Variants in TCF12 observed in about 807,000 individuals in gnomAD.
TCF12 encodes the protein transcription factor 12.
TCF12 carries 45 observed loss-of-function variants against 86.0 expected under a neutral mutation model. The ratio of observed to expected loss-of-function variants is 0.52; its 90% CI spans 0.41 to 0.67. TCF12 has a LOEUF of 0.67. Among genes scored for constraint, TCF12 ranks in the 30% least tolerant of loss-of-function variants. TCF12 has a pLI of 0.00. For synonymous variants in TCF12, 330 were observed against 299.6 expected, an observed-to-expected ratio of 1.10 and a Z score of -1.05; for missense variants, 881 against 859.9, an observed-to-expected ratio of 1.02 and a Z score of -0.31.
At chr15:57,237,800 T>G (rs1339048996) in intron 12 of TCF12, among the ~76,000 whole-genome samples, 2 of 152,168 alleles carry the variant, frequency 1.3e-5, no homozygotes, top group Non-Finnish European at 2.9e-5. Flanking sequence ...AGTAGCACAA[T>G]TTTTATAGAA....
intron 5 of TCF12, among the ~76,000 whole-genome samples, chr15:57,106,875 C>T (rs1307741507): frequency 2.0e-5 from 3 of 152,190 alleles, no homozygotes; most frequent in African/African-American, 7.2e-5. Flanking sequence ...GATATCCCTA[C>T]ACATGTATTA....
intron 3 of TCF12, among the ~76,000 whole-genome samples, chr15:56,929,202 C>T (rs189034846): frequency 4.6e-5 from 7 of 152,150 alleles, no homozygotes; most frequent in African/African-American, 1.4e-4. Context: ...GAATGCTGGC[C>T]AATCCTTAAT....
intron 8 of TCF12, among the ~76,000 whole-genome samples, chr15:57,218,218 C>T (rs2058414835): frequency 1.3e-5 from 2 of 152,084 alleles, no homozygotes; most frequent in Admixed American, 1.3e-4. Context: ...AAGTGATGTG[C>T]CCCCTTTTGC....
At chr15:57,216,950 A>G (rs562079737) in intron 8 of TCF12, among the ~76,000 whole-genome samples, 58 of 152,228 alleles carry the variant, frequency 3.8e-4, no homozygotes, top group African/African-American at 1.4e-3. Context: ...TTTTTGAAGA[A>G]TGAGATTTTA....
At chr15:56,925,856 CACTT>C (rs1232790395) in intron 3 of TCF12, among the ~76,000 whole-genome samples, 3 of 152,182 alleles carry the variant, frequency 2.0e-5, no homozygotes, top group African/African-American at 7.2e-5. Flanking sequence ...AGAAGACAAA[CACTT>C]AAATATATTC....
intron 5 of TCF12, among the ~76,000 whole-genome samples, chr15:57,142,275 T>C (rs1425759217): frequency 2.7e-5 from 4 of 150,888 alleles, no homozygotes; most frequent in African/African-American, 9.7e-5. Flanking sequence ...TGGATGGGAA[T>C]TGATTATATC....
rs760809068 is a variant in TCF12 at position 57,063,839 on chromosome 15, A to T, written c.222+16A>T. The T allele has an allele frequency of 6.4e-7, 1 of 1,560,598 alleles. No individual in the cohort carries two copies. The highest frequency in any genetic ancestry group is 8.8e-7 in the Non-Finnish European group (1 of 1,140,984). The stretch of plus-strand genomic sequence containing the variant: ...TTCATCTAGAGTAAGTTTGCTGATC[A>T]ACCCTTGATTAAAGCTGTAATTTGG... On this transcript the variant is annotated intron_variant, in intron 4 of 20. Transcript: ENST00000333725.
intron 4 of TCF12, 33 bp downstream of exon 4, chr15:57,063,856 G>T: frequency 2.0e-6 from 3 of 1,504,732 alleles, no homozygotes. Context: ...GATTAAAGCT[G>T]TAATTTGGCA....
At chr15:57,218,091 CT>C (rs1566931633) in intron 8 of TCF12, among the ~76,000 whole-genome samples, 1 of 152,012 alleles carries the variant, frequency 6.6e-6, no homozygotes, top group Non-Finnish European at 1.5e-5. Context: ...AGTTTCGTTA[CT>C]ATAATTTGAT....
intron 3 of TCF12, among the ~76,000 whole-genome samples, chr15:56,999,948 A>C (rs1479643559): frequency 6.6e-6 from 1 of 152,124 alleles, no homozygotes; most frequent in East Asian, 1.9e-4. Flanking sequence ...TGATCCACCC[A>C]CCTCAGCCTC....
chr15:56,925,279 T>C (rs2059959785), intron 3 of TCF12, among the ~76,000 whole-genome samples: 1 of 128,892 alleles, frequency 7.8e-6, no homozygotes, highest in African/African-American at 2.9e-5. Context: ...AGTCATTGCT[T>C]ATAATGGATT....
chr15:56,976,139 TGGAA>T (rs1341057578), intron 3 of TCF12, among the ~76,000 whole-genome samples: 1 of 151,112 alleles, frequency 6.6e-6, no homozygotes, highest in African/African-American at 2.4e-5. Flanking sequence ...AAGTGGAAAA[TGGAA>T]GGAAAGAATT....
Position 57,289,601 on chromosome 15 carries a change from T to TTG in TCF12, c.*3456_*3457insTG, listed in dbSNP as rs2062038064. ...TGGAAACTCAAAATTTAAACACACG[T>TTG]CGTGTGTGTGTGTGTGTGTGTGTCT... On this transcript the variant is annotated 3_prime_UTR_variant, in exon 21 of 21. Coordinates refer to ENST00000333725, the MANE Select transcript of TCF12 (RefSeq NM_207037.2). 8.2e-6 allele frequency: 1 copy of TTG among 122,110 alleles called. No homozygotes were observed. Among genetic ancestry groups the TTG allele is most frequent in the African/African-American group, 4.7e-5 (1 of 21,140 alleles). 7.6% of individuals were successfully genotyped at this position (122,110 alleles called of 1,614,324 possible).
At chr15:57,056,089 T>C (rs1489685935) in intron 3 of TCF12, among the ~76,000 whole-genome samples, 2 of 151,256 alleles carry the variant, frequency 1.3e-5, no homozygotes, top group Non-Finnish European at 2.9e-5. Flanking sequence ...GAAATTTCTT[T>C]CTAAATTTCA....
At chr15:57,272,918 C>T in intron 18 of TCF12, 112 bp from the exon 19 acceptor site, 1 of 1,023,056 alleles carries the variant, frequency 9.8e-7, no homozygotes, top group South Asian at 1.6e-5. Flanking sequence ...CAACTGTTTA[C>T]AAGATTTATA....
chr15:56,952,582 A>G (rs551097607), intron 3 of TCF12, among the ~76,000 whole-genome samples: 1 of 151,860 alleles, frequency 6.6e-6, no homozygotes, highest in Admixed American at 6.6e-5. Flanking sequence ...TGTAGTTTTC[A>G]CTGTATAGGT....
rs538168788 is a variant in TCF12, at chr15:57,117,414, A to G, written c.325+25523A>G. Among the ~76,000 whole-genome samples, 5 of 152,344 alleles carry G rather than the reference A, an allele frequency of 3.3e-5. No individual in the cohort carries two copies. The East Asian group carries it at 9.6e-4, about 29-fold the overall frequency. On this transcript the variant is annotated intron_variant, in intron 5 of 20. Transcript: ENST00000333725. ...TTCTTTACTAGTAAAAATTAGGTCTATAATTAGATATTATTAACTTTGACA... is the reference window on the plus strand; with the variant it reads ...TTCTTTACTAGTAAAAATTAGGTCTGTAATTAGATATTATTAACTTTGACA...
intron 12 of TCF12, among the ~76,000 whole-genome samples, chr15:57,241,726 C>T (rs2059637708): frequency 6.6e-6 from 1 of 152,158 alleles, no homozygotes; most frequent in South Asian, 2.1e-4. Context: ...GCCGTGGTGG[C>T]TCACACCTGT....
chr15:57,181,428 G>A (rs1438046815), intron 6 of TCF12, among the ~76,000 whole-genome samples: 5 of 25,848 alleles, frequency 1.9e-4, no homozygotes, highest in East Asian at 1.1e-3. Flanking sequence ...CCAAATTATA[G>A]CAGTATGATT....
Sources: allele counts gnomAD v4.1 joint callset (sites outside exome capture counted in the v4.1 genomes callset), GRCh38; gene constraint gnomAD v4.1.1; transcripts MANE v1.5; gene names NCBI Gene and HGNC (gene_info 2026-07-23, HGNC 2026-07-21).